Variants in SKAP1 observed in about 807,000 individuals in gnomAD.
SKAP1 encodes src kinase-associated phosphoprotein 1.
In SKAP1, 44 loss-of-function variants were observed where a neutral mutation model predicts 58.5. The ratio of observed to expected loss-of-function variants is 0.75; its 90% CI spans 0.59 to 0.97. The LOEUF is 0.97. SKAP1 is among the 50% of genes least tolerant of loss of function. The pLI, the probability that SKAP1 is intolerant of heterozygous loss-of-function variation, is 0.00. For missense variants in SKAP1, 390 were observed against 435.2 expected, an observed-to-expected ratio of 0.90 and a Z score of 0.92; for synonymous variants, 127 against 149.7, an observed-to-expected ratio of 0.85 and a Z score of 1.11.
upstream of SKAP1, among the ~76,000 whole-genome samples, chr17:48,433,554 G>A (rs2067928689): frequency 6.6e-6 from 1 of 152,094 alleles, no homozygotes; most frequent in Middle Eastern, 3.2e-3. Context: ...CTTCTTAGCT[G>A]CCTGCCCCTT....
At chr17:48,199,134 GA>G (rs1164548865) in intron 4 of SKAP1, among the ~76,000 whole-genome samples, 1 of 152,106 alleles carries the variant, frequency 6.6e-6, no homozygotes, top group African/African-American at 2.4e-5. Context: ...GAAATAAAAA[GA>G]AAAGAGCCTT....
intron 4 of SKAP1, among the ~76,000 whole-genome samples, chr17:48,207,968 A>T (rs1433064521): frequency 6.6e-6 from 1 of 152,246 alleles, no homozygotes; most frequent in African/African-American, 2.4e-5. Context: ...GACAGCACAG[A>T]CATGATTTTA....
At chr17:48,240,412 T>C (rs1216569595) in intron 4 of SKAP1, among the ~76,000 whole-genome samples, 3 of 73,560 alleles carry the variant, frequency 4.1e-5, no homozygotes, top group Admixed American at 1.6e-4. Flanking sequence ...TCTCCACTCA[T>C]GATAAAAAAA....
chr17:48,288,339 A>G (rs945954012), intron 4 of SKAP1, among the ~76,000 whole-genome samples: 5 of 152,190 alleles, frequency 3.3e-5, no homozygotes, highest in Non-Finnish European at 7.4e-5. Flanking sequence ...TTCATCAAAA[A>G]CAATGAAGCA....
chr17:48,140,706 AC>A (rs2143032237), intron 11 of SKAP1, among the ~76,000 whole-genome samples: 1 of 151,154 alleles, frequency 6.6e-6, no homozygotes, highest in South Asian at 2.1e-4. Flanking sequence ...ATGCACTGTT[AC>A]CCAGGCTGGA....
chr17:48,443,688 C>T, the SKAP1 span, among the ~76,000 whole-genome samples: 1 of 152,150 alleles, frequency 6.6e-6, no homozygotes, highest in East Asian at 1.9e-4. Context: ...GTTGGCCAGG[C>T]TTGTCTCGAA....
chr17:48,269,808 A>G (rs1399138213), intron 4 of SKAP1, among the ~76,000 whole-genome samples: 1 of 152,178 alleles, frequency 6.6e-6, no homozygotes. Context: ...TTATTAAAAA[A>G]TGAGGCCGGG....
chr17:48,200,566 C>T (rs553549737), intron 4 of SKAP1, among the ~76,000 whole-genome samples: 1,675 of 152,096 alleles, frequency 0.011, 12 homozygotes, highest in Non-Finnish European at 0.02. Flanking sequence ...TTAGTAGAGA[C>T]GGGGTTTCAC....
intron 4 of SKAP1, among the ~76,000 whole-genome samples, chr17:48,269,038 T>C (rs2065592646): frequency 6.6e-6 from 1 of 151,996 alleles, no homozygotes; most frequent in African/African-American, 2.4e-5. Context: ...TTAGATGTAA[T>C]ATACTAATAT....
chr17:48,201,285 TTTCC>T (rs1284818970), intron 4 of SKAP1, among the ~76,000 whole-genome samples: 2 of 151,658 alleles, frequency 1.3e-5, no homozygotes, highest in Non-Finnish European at 1.5e-5. Flanking sequence ...TCCTTCCTTC[TTTCC>T]TTCCTTCCTT....
intron 3 of SKAP1, among the ~76,000 whole-genome samples, chr17:48,351,767 A>G (rs369583929): frequency 1.6e-3 from 240 of 152,294 alleles, no homozygotes; most frequent in African/African-American, 5.6e-3. Context: ...GGAGAGTGGC[A>G]CAGTCTAAAT....
intron 4 of SKAP1, among the ~76,000 whole-genome samples, chr17:48,340,380 G>T (rs1457927186): frequency 1.3e-5 from 2 of 151,956 alleles, no homozygotes; most frequent in Non-Finnish European, 2.9e-5. Context: ...GGAAAAAAAT[G>T]AATATATCTA....
In SKAP1 at chr17:48,182,375, C is replaced by T. The variant is rs2143467862; in HGVS notation, c.631+19G>A. On this transcript the variant is annotated intron_variant, in intron 8 of 12. Coordinates refer to ENST00000336915, the MANE Select transcript of SKAP1 (RefSeq NM_003726.4). ...CTGCAAATCAACTCAAGTATTATTTCTGTAACAATGACACTTACCCTTTAA... is the reference window on the plus strand; with the variant it reads ...CTGCAAATCAACTCAAGTATTATTTTTGTAACAATGACACTTACCCTTTAA... 6.4e-7 allele frequency: 1 copy of T among 1,552,974 alleles called. No homozygotes were observed. The highest frequency in any genetic ancestry group is 8.8e-7 in the Non-Finnish European group (1 of 1,130,970).
intron 1 of SKAP1, among the ~76,000 whole-genome samples, chr17:48,415,784 A>C (rs1021253269): frequency 1.3e-5 from 2 of 150,778 alleles, no homozygotes; most frequent in Admixed American, 6.6e-5. Flanking sequence ...TCAGCTCCTC[A>C]CTCCTGCCCA....
intron 4 of SKAP1, among the ~76,000 whole-genome samples, chr17:48,211,054 T>C (rs2064865882): frequency 6.8e-6 from 1 of 147,322 alleles, no homozygotes; most frequent in African/African-American, 2.4e-5. Context: ...TTCATGCTCC[T>C]CTTTTTTTTC....
At chr17:48,182,056 T>C (rs1265827890) in intron 8 of SKAP1, among the ~76,000 whole-genome samples, 1 of 152,190 alleles carries the variant, frequency 6.6e-6, no homozygotes, top group East Asian at 1.9e-4. Flanking sequence ...AGTTGGATAT[T>C]ATGAATTTCC....
At chr17:48,321,309 C>T (rs565214177) in intron 4 of SKAP1, among the ~76,000 whole-genome samples, 1 of 151,010 alleles carries the variant, frequency 6.6e-6, no homozygotes, top group South Asian at 2.1e-4. Flanking sequence ...GAACAATATT[C>T]CACAATGATC....
chr17:48,308,406 A>G (rs1044978623), intron 4 of SKAP1: 3 of 152,214 alleles, frequency 2.0e-5, no homozygotes, highest in African/African-American at 2.4e-5. Context: ...TTTGGATTTG[A>G]TATTTTACCA....
At chr17:48,406,410 CT>C (rs1007636872) in intron 1 of SKAP1, among the ~76,000 whole-genome samples, 72 of 143,984 alleles carry the variant, frequency 5.0e-4, no homozygotes, top group Admixed American at 5.6e-4. Flanking sequence ...ATTTTTTTTT[CT>C]TTTTTTTTTT....
Sources: allele counts gnomAD v4.1 joint callset (sites outside exome capture counted in the v4.1 genomes callset), GRCh38; gene constraint gnomAD v4.1.1; transcripts MANE v1.5; gene names NCBI Gene and HGNC (gene_info 2026-07-23, HGNC 2026-07-21).